The following SIAH1 variants were observed in gnomAD, a reference collection of about 807,000 sequenced individuals.
SIAH1 encodes the protein siah E3 ubiquitin protein ligase 1.
Under a neutral mutation model 20.0 loss-of-function variants are expected in SIAH1, and 2 were observed. The observed-to-expected ratio is 0.10, with a 90% CI of 0.04 to 0.31. The LOEUF (loss-of-function observed/expected upper bound fraction) is 0.31, where lower values mean the gene tolerates loss of function less well. SIAH1 is among the 10% of genes least tolerant of loss of function. SIAH1 has a pLI of 1.00. For missense variants in SIAH1, 119 were observed against 355.3 expected, an observed-to-expected ratio of 0.33 and a Z score of 5.35; for synonymous variants, 118 against 125.3, an observed-to-expected ratio of 0.94 and a Z score of 0.39.
At chr16:48,370,009 CTCTCT>C (rs201334954) in intron 1 of SIAH1, among the ~76,000 whole-genome samples, 2 of 152,232 alleles carry the variant, frequency 1.3e-5, no homozygotes, top group Non-Finnish European at 2.9e-5. Context: ...CTGGTCACAA[CTCTCT>C]TCTCTAAGAA....
chr16:48,369,747 C>G (rs1032254766), intron 1 of SIAH1, among the ~76,000 whole-genome samples: 1 of 152,138 alleles, frequency 6.6e-6, no homozygotes, highest in East Asian at 1.9e-4. Context: ...AGTGTAAGAT[C>G]CCCCTAAAAC....
upstream of SIAH1, among the ~76,000 whole-genome samples, chr16:48,386,701 G>A (rs955272070): frequency 6.6e-6 from 1 of 152,128 alleles, no homozygotes; most frequent in Non-Finnish European, 1.5e-5. Context: ...AATAGAGTTC[G>A]GTTCACTTCA....
intron 1 of SIAH1, among the ~76,000 whole-genome samples, chr16:48,383,197 G>A (rs535484564): frequency 6.6e-6 from 1 of 151,976 alleles, no homozygotes. Flanking sequence ...TTAAATGTTA[G>A]TAAATTATGT....
At chr16:48,365,477 T>C (rs748727997) in intron 1 of SIAH1, 28 of 1,612,986 alleles carry the variant, frequency 1.7e-5, no homozygotes, top group East Asian at 6.7e-5. Context: ...TTTCCCGTCA[T>C]GAGAAGTCAG....
intron 1 of SIAH1, among the ~76,000 whole-genome samples, chr16:48,383,889 A>G (rs1474584537): frequency 6.6e-6 from 1 of 152,256 alleles, no homozygotes; most frequent in Non-Finnish European, 1.5e-5. Context: ...AAGTTTAGCT[A>G]TTAAACTACA....
chr16:48,367,635 G>A (rs867117048), intron 1 of SIAH1, among the ~76,000 whole-genome samples: 8 of 152,310 alleles, frequency 5.3e-5, no homozygotes, highest in South Asian at 4.1e-4. Context: ...TCATCAATTA[G>A]TCACAGACTC....
intron 1 of SIAH1, among the ~76,000 whole-genome samples, chr16:48,371,191 G>T (rs1303126810): frequency 6.6e-6 from 1 of 151,948 alleles, no homozygotes; most frequent in Non-Finnish European, 1.5e-5. Context: ...TGAAGAGGGA[G>T]GATCAGGTGA....
At chr16:48,364,278 G>A (rs1368694171) in intron 1 of SIAH1, among the ~76,000 whole-genome samples, 1 of 152,090 alleles carries the variant, frequency 6.6e-6, no homozygotes, top group East Asian at 1.9e-4. Context: ...CAAAATTAAT[G>A]TTTTATCTCA....
chr16:48,383,168 C>T (rs1961342648), intron 1 of SIAH1, among the ~76,000 whole-genome samples: 1 of 152,098 alleles, frequency 6.6e-6, no homozygotes, highest in African/African-American at 2.4e-5. Context: ...ATCTATTATA[C>T]GTATTTCAGT....
At chr16:48,372,213 T>G (rs1961003804) in intron 1 of SIAH1, among the ~76,000 whole-genome samples, 1 of 152,154 alleles carries the variant, frequency 6.6e-6, no homozygotes, top group Non-Finnish European at 1.5e-5. Flanking sequence ...GTAATGGAAT[T>G]TATAGGAAAG....
At chr16:48,386,611 C>A (rs1469133800), upstream of SIAH1, among the ~76,000 whole-genome samples, 1 of 152,230 alleles carries the variant, frequency 6.6e-6, no homozygotes, top group Admixed American at 6.5e-5. Context: ...TTACAGTATT[C>A]CTAATTACAT....
chr16:48,384,559 A>G (rs771527379), intron 1 of SIAH1, among the ~76,000 whole-genome samples: 6 of 152,142 alleles, frequency 3.9e-5, no homozygotes, highest in Non-Finnish European at 8.8e-5. Flanking sequence ...GACATAAACA[A>G]GGGAGGAGGC....
At chr16:48,368,812 AAAC>A (rs1392525437) in intron 1 of SIAH1, among the ~76,000 whole-genome samples, 1 of 152,208 alleles carries the variant, frequency 6.6e-6, no homozygotes, top group African/African-American at 2.4e-5. Context: ...TTATTCTTAG[AAAC>A]AATAAAATAT....
intron 1 of SIAH1, among the ~76,000 whole-genome samples, chr16:48,382,573 C>CAGGATGTCTATTT (rs1302345005): frequency 6.6e-6 from 1 of 151,998 alleles, no homozygotes; most frequent in Non-Finnish European, 1.5e-5. Flanking sequence ...CATTAGACAT[C>CAGGATGTCTATTT]CTGCTATTTT....
chr16:48,374,823 CT>C (rs1199356407), intron 1 of SIAH1, among the ~76,000 whole-genome samples: 1 of 152,098 alleles, frequency 6.6e-6, no homozygotes, highest in Admixed American at 6.6e-5. Flanking sequence ...AACTGAATAA[CT>C]TTGACAGTCA....
chr16:48,365,209 G>A (rs1369424489), intron 1 of SIAH1: 4 of 642,436 alleles, frequency 6.2e-6, no homozygotes, highest in Non-Finnish European at 1.1e-5. Flanking sequence ...CAGAAGTCAT[G>A]ACGTAACCTG....
chr16:48,380,249 G>A (rs1020033417), intron 1 of SIAH1, among the ~76,000 whole-genome samples: 13 of 151,870 alleles, frequency 8.6e-5, no homozygotes, highest in African/African-American at 2.9e-4. Context: ...CACCAGGCTG[G>A]CCAACATGGC....
chr16:48,363,783 T>C (rs993826519), intron 1 of SIAH1: 3 of 166,660 alleles, frequency 1.8e-5, no homozygotes, highest in African/African-American at 4.8e-5. Flanking sequence ...TAATCGACAA[T>C]GTAACTAGCC....
chr16:48,378,604 T>C (rs763744100), intron 1 of SIAH1, among the ~76,000 whole-genome samples: 3 of 152,180 alleles, frequency 2.0e-5, no homozygotes, highest in East Asian at 1.9e-4. Context: ...GTCAACAAAA[T>C]AGTTTACATT....
Sources: allele counts gnomAD v4.1 joint callset (sites outside exome capture counted in the v4.1 genomes callset), GRCh38; gene constraint gnomAD v4.1.1; transcripts MANE v1.5; gene names NCBI Gene and HGNC (gene_info 2026-07-23, HGNC 2026-07-21).